Variants in TSNAX observed in about 807,000 individuals in gnomAD.
TSNAX encodes translin-associated protein X.
Under a neutral mutation model 33.0 loss-of-function variants are expected in TSNAX, and 12 were observed. The ratio of observed to expected loss-of-function variants is 0.36; its 90% CI spans 0.23 to 0.59. The LOEUF (loss-of-function observed/expected upper bound fraction) is 0.59. Ranked by LOEUF, TSNAX falls within the 20% of genes least tolerant of loss-of-function variation. TSNAX has a pLI of 0.74. For synonymous variants in TSNAX, 110 were observed against 117.2 expected, an observed-to-expected ratio of 0.94 and a Z score of 0.40; for missense variants, 267 against 341.3, an observed-to-expected ratio of 0.78 and a Z score of 1.72.
chr1:231,556,008 T>C (rs1660668235), intron 4 of TSNAX, among the ~76,000 whole-genome samples: 1 of 152,010 alleles, frequency 6.6e-6, no homozygotes, highest in Admixed American at 6.6e-5. Context: ...CAATAGACAA[T>C]CAAAAAGCAA....
chr1:231,533,823 A>G (rs372124238), intron 2 of TSNAX, among the ~76,000 whole-genome samples: 7 of 152,132 alleles, frequency 4.6e-5, no homozygotes, highest in African/African-American at 1.7e-4. Flanking sequence ...ATACCCCTTT[A>G]CTTGTTAATA....
intron 4 of TSNAX, among the ~76,000 whole-genome samples, chr1:231,554,334 A>G (rs958766770): frequency 6.6e-6 from 1 of 152,172 alleles, no homozygotes; most frequent in Non-Finnish European, 1.5e-5. Flanking sequence ...ACTTAGTTTC[A>G]TAGACCTTGG....
At chr1:231,558,638 T>C (rs1319889748) in intron 4 of TSNAX, among the ~76,000 whole-genome samples, 1 of 152,182 alleles carries the variant, frequency 6.6e-6, no homozygotes, top group Non-Finnish European at 1.5e-5. Context: ...TATGCATCTT[T>C]ACGTTTTGCT....
chr1:231,537,150 A>G, intron 2 of TSNAX, 63 bp from the exon 3 acceptor site: 1 of 1,326,470 alleles, frequency 7.5e-7, no homozygotes, highest in Non-Finnish European at 1.1e-6. Flanking sequence ...TACATCTTAA[A>G]AATATTGTTT....
intron 4 of TSNAX, among the ~76,000 whole-genome samples, chr1:231,560,637 C>T (rs900256722): frequency 6.6e-6 from 1 of 151,456 alleles, no homozygotes; most frequent in Admixed American, 6.6e-5. Flanking sequence ...AGGATGGTCT[C>T]AAACTCCTGA....
At chr1:231,542,998 G>A (rs1268121374) in intron 4 of TSNAX, 1 of 153,752 alleles carries the variant, frequency 6.5e-6, no homozygotes, top group Non-Finnish European at 1.4e-5. Flanking sequence ...CCAAGATGGT[G>A]AAACCCCGAC....
intron 2 of TSNAX, among the ~76,000 whole-genome samples, 200 bp downstream of exon 2, chr1:231,529,559 G>C (rs1456211525): frequency 6.6e-6 from 1 of 152,160 alleles, no homozygotes; most frequent in Non-Finnish European, 1.5e-5. Context: ...TAGTAATCAG[G>C]TAAACATGAC....
chr1:231,540,630 G>A (rs1406161780), intron 3 of TSNAX, among the ~76,000 whole-genome samples: 1 of 152,178 alleles, frequency 6.6e-6, no homozygotes, highest in Non-Finnish European at 1.5e-5. Flanking sequence ...ATTGTTAGGT[G>A]TAATTAAGTC....
intron 2 of TSNAX, among the ~76,000 whole-genome samples, chr1:231,531,200 T>G (rs1448736118): frequency 2.0e-5 from 3 of 152,070 alleles, no homozygotes; most frequent in Admixed American, 6.5e-5. Flanking sequence ...TCAAGCAGTC[T>G]GCCCGTCTCG....
intron 3 of TSNAX, 170 bp from the exon 4 acceptor site, chr1:231,542,311 G>A: frequency 3.3e-6 from 2 of 610,312 alleles, no homozygotes; most frequent in Non-Finnish European, 5.2e-6. Context: ...ACTTAACAGT[G>A]TGTTAATAAC....
At chr1:231,532,724 A>G (rs1461504837) in intron 2 of TSNAX, among the ~76,000 whole-genome samples, 1 of 152,222 alleles carries the variant, frequency 6.6e-6, no homozygotes, top group East Asian at 1.9e-4. Flanking sequence ...CAACTTGTAC[A>G]GTATTCCCAT....
chr1:231,556,916 T>C (rs1158058263), intron 4 of TSNAX, among the ~76,000 whole-genome samples: 1 of 152,202 alleles, frequency 6.6e-6, no homozygotes, highest in African/African-American at 2.4e-5. Flanking sequence ...GCCACGTTAA[T>C]GGTTTTGCCC....
chr1:231,529,455 A>G, intron 2 of TSNAX, 96 bp downstream of exon 2: 1 of 1,275,200 alleles, frequency 7.8e-7, no homozygotes, highest in South Asian at 1.4e-5. Flanking sequence ...ATTTAATGTG[A>G]AACTTTAGCT....
intron 5 of TSNAX, chr1:231,563,453 C>A (rs1262223619): frequency 6.5e-6 from 1 of 154,808 alleles, no homozygotes; most frequent in East Asian, 1.9e-4. Context: ...GTACTGTTAT[C>A]CCATTTTACA....
intron 4 of TSNAX, among the ~76,000 whole-genome samples, chr1:231,555,498 G>A (rs546987618): frequency 6.6e-6 from 1 of 152,220 alleles, no homozygotes; most frequent in South Asian, 2.1e-4. Context: ...GGTAATAATG[G>A]TTGTACAACA....
intron 5 of TSNAX, 100 bp from the exon 6 acceptor site, chr1:231,564,428 T>G: frequency 1.3e-6 from 2 of 1,491,712 alleles, no homozygotes; most frequent in Non-Finnish European, 1.8e-6. Context: ...ATTTTGTACT[T>G]CTATAATAAA....
intron 2 of TSNAX, 49 bp from the exon 3 acceptor site, chr1:231,537,164 A>G (rs1225803024): frequency 1.5e-6 from 2 of 1,369,448 alleles, no homozygotes; most frequent in Non-Finnish European, 1.0e-6. Flanking sequence ...ATTGTTTGGT[A>G]GGCTTTGAGT....
chr1:231,544,242 G>C (rs1659760954), intron 4 of TSNAX, among the ~76,000 whole-genome samples: 1 of 152,160 alleles, frequency 6.6e-6, no homozygotes. Context: ...GTATTAAACA[G>C]AAATCCAATT....
chr1:231,536,636 C>G (rs1372231713), intron 2 of TSNAX: 1 of 152,170 alleles, frequency 6.6e-6, no homozygotes, highest in African/African-American at 2.4e-5. Context: ...ATTAACTGGA[C>G]CTCTTGAGCT....
Sources: allele counts gnomAD v4.1 joint callset (sites outside exome capture counted in the v4.1 genomes callset), GRCh38; gene constraint gnomAD v4.1.1; transcripts MANE v1.5; gene names NCBI Gene and HGNC (gene_info 2026-07-23, HGNC 2026-07-21).